PLXNA1: variants seen among roughly 807,000 people sequenced by gnomAD.
PLXNA1 encodes the protein plexin-A1.
PLXNA1 carries 77 observed loss-of-function variants against 191.7 expected under a neutral mutation model. That is an observed-to-expected ratio of 0.40 (90% confidence interval 0.33 to 0.49). The LOEUF (loss-of-function observed/expected upper bound fraction) is 0.49, where lower values mean the gene tolerates loss of function less well. Among genes scored for constraint, PLXNA1 ranks in the 20% least tolerant of loss-of-function variants. The pLI, the probability that PLXNA1 is intolerant of heterozygous loss-of-function variation, is 0.63. For synonymous variants in PLXNA1, 1,137 were observed against 1,156.4 expected (o/e 0.98, Z 0.34); for missense variants, 2,110 against 2,660.2 (o/e 0.79, Z 4.55).
chr3:127,012,207 G>C, intron 10 of PLXNA1, 49 bp downstream of exon 10: 1 of 1,572,322 alleles, frequency 6.4e-7, no homozygotes, highest in African/African-American at 1.3e-5. Flanking sequence ...GAATGGGCCG[G>C]TTATCCTCAC....
At chr3:127,032,093 G>T (rs1044708151) in intron 29 of PLXNA1, 8 of 406,188 alleles carry the variant, frequency 2.0e-5, no homozygotes, top group South Asian at 1.9e-4. Context: ...TGGCTGTGTG[G>T]AGTGGGCCCC....
intron 22 of PLXNA1, 70 bp from the exon 23 acceptor site, chr3:127,022,682 G>T (rs1310116716): frequency 5.8e-6 from 8 of 1,381,912 alleles, no homozygotes; most frequent in Admixed American, 1.7e-5. Flanking sequence ...GGTGAGTGAG[G>T]CCTGCAGGGG....
chr3:127,007,405 A>C (rs1367240845), intron 8 of PLXNA1, among the ~76,000 whole-genome samples: 4 of 152,198 alleles, frequency 2.6e-5, no homozygotes, highest in African/African-American at 9.7e-5. Flanking sequence ...GTTTAAATCT[A>C]AGTTTGCCAA....
chr3:127,024,967 G>T (rs572803050), intron 23 of PLXNA1, among the ~76,000 whole-genome samples: 27 of 152,226 alleles, frequency 1.8e-4, no homozygotes, highest in African/African-American at 5.8e-4. Context: ...AGGTACAGAG[G>T]TTTCCCATGC....
intron 3 of PLXNA1, among the ~76,000 whole-genome samples, chr3:127,002,666 G>T (rs1397474000): frequency 6.6e-6 from 1 of 152,244 alleles, no homozygotes; most frequent in Non-Finnish European, 1.5e-5. Flanking sequence ...TCTCTGGAAA[G>T]CCCCGTGGGT....
rs763273612 is a variant in PLXNA1 at position 127,029,505 on chromosome 3, C to T, written c.4839C>T (p.Ser1613=). Reference sequence around the variant, plus strand: ...CGTCCGCCTACAACATCTCCAACTCCTCCACCTTCACCAAGTCCCTCAGCA... The same window carrying T: ...CGTCCGCCTACAACATCTCCAACTCTTCCACCTTCACCAAGTCCCTCAGCA... ...KQTSAYNISN[S]STFTKSLSRY... The change falls in exon 27 of 32, where the codon TCC becomes TCT. Residue 1613 remains serine, a synonymous_variant. Coordinates refer to ENST00000393409, the MANE Select transcript of PLXNA1 (RefSeq NM_032242.4). 3.1e-6 allele frequency: 5 copies of T among 1,613,838 alleles called. No individual in the cohort carries two copies. The African/African-American group carries it at 4.0e-5, about 13-fold the overall frequency.
At position 127,014,192 on chromosome 3, in the gene PLXNA1, CAAGTG is replaced by C. The variant is rs764820003; in HGVS notation, c.2422_2426del (p.Lys808ProfsTer114). Reference sequence around the variant, plus strand: ...CACCCCTCCCCACAGCGCACCTCTACAAGTGCCCGGCCCTGCGCGAGAGCTGCGGC... The same window carrying C: ...CACCCCTCCCCACAGCGCACCTCTACCCCGGCCCTGCGCGAGAGCTGCGGC... On this transcript the variant is annotated frameshift_variant, in exon 12 of 32. Transcript: ENST00000393409. LOFTEE classifies it high-confidence loss of function. 1 of 1,610,194 alleles carries C rather than the reference CAAGTG, an allele frequency of 6.2e-7. No homozygotes were observed. The highest frequency in any genetic ancestry group is 1.1e-5 in the South Asian group (1 of 90,944).
At chr3:127,005,318 C>T (rs1489394008) in intron 7 of PLXNA1, 75 bp downstream of exon 7, 31 of 1,496,874 alleles carry the variant, frequency 2.1e-5, no homozygotes, top group Middle Eastern at 2.1e-4. Context: ...GCCTGTTTAG[C>T]GCCTCCCTTG....
At position 127,017,609 on chromosome 3, in the gene PLXNA1, C is replaced by T. The variant is rs778769298; in HGVS notation, c.3461C>T (p.Pro1154Leu). 17 of 1,613,728 alleles carry T rather than the reference C, an allele frequency of 1.1e-5. No individual in the cohort carries two copies. Among genetic ancestry groups the T allele is most frequent in the Non-Finnish European group, 1.4e-5 (17 of 1,180,014 alleles). Residue 1154 changes from proline to leucine, a missense_variant, in exon 18 of 32, where the codon CCA becomes CTA. By Grantham distance (98) the Pro-to-Leu change is moderately conservative. This residue lies in a region of PLXNA1 where 644 missense variants were observed against 714.3 expected (regional missense o/e 0.90). Coordinates refer to ENST00000393409, the MANE Select transcript of PLXNA1 (RefSeq NM_032242.4). ...FLYYPDPVLE[P>L]LSPTGLLELK... is the part of the protein sequence containing the mutation. ...TACTACCCTGACCCCGTACTGGAGC[C>T]ACTCAGCCCCACTGGCCTGCTGGAG...
chr3:126,993,893 G>A (rs773684188), intron 3 of PLXNA1, among the ~76,000 whole-genome samples: 12 of 152,202 alleles, frequency 7.9e-5, no homozygotes, highest in Non-Finnish European at 1.5e-4. Context: ...GGCATGTCCC[G>A]TGCAGGGTTT....
At position 127,032,811 on chromosome 3, in the gene PLXNA1, C is replaced by T; in HGVS notation, c.5570C>T (p.Ser1857Phe). 1 of 1,613,252 alleles carries T rather than the reference C, an allele frequency of 6.2e-7. No homozygotes were observed. The highest frequency in any genetic ancestry group is 8.5e-7 in the Non-Finnish European group (1 of 1,180,000). Residue 1857 changes from serine to phenylalanine, a missense_variant, in exon 31 of 32, where the codon TCC (serine) becomes TTC (phenylalanine). Around this residue, in one of 4 missense-constraint regions of PLXNA1, gnomAD observed 559 missense variants for 911.5 expected, o/e 0.61. Transcript: ENST00000393409. ...NSMSALHEIY[S>F]YITKYKDEIL... The stretch of plus-strand genomic sequence containing the variant: ...ATGAGCGCCTTGCACGAGATCTACT[C>T]CTACATCACCAAGTACAAGGATGAG...
At chr3:127,030,484 G>C (rs2079203745) in intron 29 of PLXNA1, 72 bp downstream of exon 29, 1 of 1,555,814 alleles carries the variant, frequency 6.4e-7, no homozygotes, top group Non-Finnish European at 8.7e-7. Flanking sequence ...CCCTCGCCCT[G>C]TTCTGATCCG....
In PLXNA1 at chr3:127,012,017, C is replaced by T. The variant is rs541381958; in HGVS notation, c.2172C>T (p.Pro724=). The T allele has an allele frequency of 1.9e-6, 3 of 1,613,698 alleles. No homozygotes were observed. The highest frequency in any genetic ancestry group is 2.7e-5 in the African/African-American group (2 of 75,058). ...QIYVPVGVVK[P]ITLAARNLPQ... The stretch of plus-strand genomic sequence containing the variant: ...ACGTGCCAGTGGGAGTGGTAAAACC[C>T]ATCACCCTGGCCGCACGGAACCTGC... Residue 724 remains proline, a synonymous_variant, in exon 10 of 32, where the codon CCC becomes CCT. Coordinates refer to ENST00000393409, the MANE Select transcript of PLXNA1 (RefSeq NM_032242.4).
chr3:126,989,746 C>T lies in PLXNA1; in HGVS notation c.1153C>T (p.Leu385=). Residue 385 remains leucine, a synonymous_variant, in exon 2 of 32, where the codon CTG becomes TTG. Coordinates refer to ENST00000393409, the MANE Select transcript of PLXNA1 (RefSeq NM_032242.4). ...CTACCGTGGTGAGGGCAAGCTCTCC[C>T]TGCCGTGGCTGCTCAACAAGGAGCT... ...SCYRGEGKLS[L]PWLLNKELGC... is the part of the protein sequence containing the mutation. The T allele has an allele frequency of 6.2e-7, 1 of 1,612,154 alleles. No homozygotes were observed. Among genetic ancestry groups the T allele is most frequent in the Non-Finnish European group, 8.5e-7 (1 of 1,179,476 alleles).
At chr3:126,992,446 A>G (rs1408831876) in intron 3 of PLXNA1, among the ~76,000 whole-genome samples, 3 of 152,122 alleles carry the variant, frequency 2.0e-5, no homozygotes, top group African/African-American at 7.2e-5. Context: ...GGGGCTGGCC[A>G]GGGCTTGCAG....
At chr3:127,005,308 G>T in intron 7 of PLXNA1, 65 bp downstream of exon 7, 5 of 1,521,166 alleles carry the variant, frequency 3.3e-6, no homozygotes, top group Non-Finnish European at 4.4e-6. Context: ...TCCAGTTGCC[G>T]CCTGTTTAGC....
Position 127,007,822 on chromosome 3 carries a change from C to T in PLXNA1, c.2021C>T (p.Ser674Phe), listed in dbSNP as rs2107628630. The T allele has an allele frequency of 1.2e-6, 2 of 1,612,894 alleles. No individual in the cohort carries two copies. Among genetic ancestry groups the T allele is most frequent in the Non-Finnish European group, 1.7e-6 (2 of 1,179,484 alleles). Reference protein sequence around the residue: ...HQSCLSCVNGSFPCHWCKYRH... With the variant: ...HQSCLSCVNGFFPCHWCKYRH... ...AGCTGCCTGTCCTGTGTCAACGGCT[C>T]CTTTCCCTGCCACTGGTGCAAATAC... Residue 674 changes from serine to phenylalanine, a missense_variant, in exon 9 of 32, where the codon TCC (serine) becomes TTC (phenylalanine). Transcript: ENST00000393409.
chr3:127,017,776 G>A lies in PLXNA1; in HGVS notation c.3544G>A (p.Gly1182Ser), dbSNP rs756796294. 1.5e-5 allele frequency: 24 copies of A among 1,612,904 alleles called. No homozygotes were observed. Among genetic ancestry groups the A allele is most frequent in the South Asian group, 2.2e-5 (2 of 91,058 alleles). ...CCGGAACCTCTTGCCACCTGCACCC[G>A]GCAACTCCCGACTCAACTACACGGT... ...KGRNLLPPAP[G>S]NSRLNYTVLI... The change falls in exon 19 of 32, where the codon GGC becomes AGC. Residue 1182 changes from glycine to serine, a missense_variant. Physicochemically the swap from Gly to Ser is moderately conservative, Grantham distance 56. This residue lies in a region of PLXNA1 where 644 missense variants were observed against 714.3 expected (regional missense o/e 0.90). Coordinates refer to ENST00000393409, the MANE Select transcript of PLXNA1 (RefSeq NM_032242.4).
chr3:127,003,235 A>AG, intron 3 of PLXNA1, 95 bp from the exon 4 acceptor site: 1 of 1,388,176 alleles, frequency 7.2e-7, no homozygotes, highest in Non-Finnish European at 9.6e-7. Flanking sequence ...TGGGCAGCTC[A>AG]GGGAGGGGCT....
Sources: gnomAD v4.1 joint callset for allele counts (sites outside exome capture counted in the v4.1 genomes callset) on GRCh38, gnomAD v4.1.1 for gene constraint, gnomAD v4.1.1 regional missense constraint, MANE v1.5 for transcripts, NCBI Gene and HGNC (gene_info 2026-07-23, HGNC 2026-07-21) for gene names.